DIP2C: variants seen among roughly 807,000 people sequenced by gnomAD.
The protein encoded by DIP2C is disco-interacting protein 2 homolog C.
DIP2C carries 33 observed loss-of-function variants against 192.4 expected under a neutral mutation model. The ratio of observed to expected loss-of-function variants is 0.17; its 90% confidence interval spans 0.13 to 0.23. DIP2C has a LOEUF of 0.23. Among genes scored for constraint, DIP2C ranks in the 10% least tolerant of loss-of-function variants. DIP2C has a pLI of 1.00. For synonymous variants in DIP2C, 979 were observed against 864.1 expected, an observed-to-expected ratio of 1.13 and a Z score of -2.33; for missense variants, 1,537 against 2,110.1, an observed-to-expected ratio of 0.73 and a Z score of 5.32.
Position 516,069 on chromosome 10 carries a change from C to T in DIP2C, c.86-29539G>A, listed in dbSNP as rs548860526. Among the ~76,000 whole-genome samples the T allele has an allele frequency of 5.3e-5, 8 of 151,228 alleles. 1 individual carries two copies. The South Asian group carries it at 8.4e-4, about 16-fold the overall frequency. On this transcript the variant is annotated intron_variant, in intron 1 of 36. Transcript: ENST00000280886. ...TCCAGTGGGATGGTTTCCACTTCCA[C>T]GACGAGAGGAAACGAGGGGGTTTCC...
At chr10:525,862 A>C (rs934475004) in intron 1 of DIP2C, among the ~76,000 whole-genome samples, 10 of 152,172 alleles carry the variant, frequency 6.6e-5, no homozygotes, top group Admixed American at 2.0e-4. Flanking sequence ...CCTGGAGGGT[A>C]GTCAACCCAG....
intron 1 of DIP2C, among the ~76,000 whole-genome samples, chr10:548,323 G>C (rs574628594): frequency 2.0e-5 from 3 of 151,158 alleles, no homozygotes; most frequent in Non-Finnish European, 4.4e-5. Context: ...TGGAAGGGAA[G>C]AAACTTGCAT....
chr10:436,738 T>C (rs7903876), intron 4 of DIP2C, among the ~76,000 whole-genome samples: 53,390 of 110,274 alleles, frequency 0.48, 11,908 homozygotes, highest in Middle Eastern at 0.53. Flanking sequence ...CTCTGAGCTC[T>C]GCTTCCTGGA....
At chr10:333,592 G>C (rs752328197) in intron 29 of DIP2C, among the ~76,000 whole-genome samples, 8 of 152,206 alleles carry the variant, frequency 5.3e-5, no homozygotes, top group Non-Finnish European at 1.2e-4. Context: ...CGAGGTTCCA[G>C]GGAACTTACA....
rs576312578 is a variant in DIP2C, at chr10:494,521, AAGTCAAAGCTACCAAG to A, written c.86-8007_86-7992del. The stretch of plus-strand genomic sequence containing the variant: ...CGGCTTTCTGCTCAGTTGCCTTTTT[AAGTCAAAGCTACCAAG>A]AGTCAAAGCAATCCAAGAGGCTGCT... On this transcript the variant is annotated intron_variant, in intron 1 of 36. Transcript: ENST00000280886. 9.6e-4 allele frequency among the ~76,000 whole-genome samples: 147 copies of A among 152,354 alleles called. 1 individual carries two copies. The highest frequency in any genetic ancestry group is 3.3e-3 in the African/African-American group (137 of 41,576).
intron 29 of DIP2C, among the ~76,000 whole-genome samples, chr10:340,295 AAAG>A (rs1369471891): frequency 2.9e-4 from 44 of 152,130 alleles, no homozygotes; most frequent in African/African-American, 1.0e-3. Context: ...TAAAATGTGT[AAAG>A]AAGATTTATG....
At chr10:514,267 G>A (rs1374081405) in intron 1 of DIP2C, among the ~76,000 whole-genome samples, 1 of 152,042 alleles carries the variant, frequency 6.6e-6, no homozygotes, top group East Asian at 1.9e-4. Context: ...TATCGACTCA[G>A]TTCTCGTTCA....
intron 10 of DIP2C, among the ~76,000 whole-genome samples, chr10:397,476 G>A (rs1964078668): frequency 6.6e-6 from 1 of 150,492 alleles, no homozygotes; most frequent in Non-Finnish European, 1.5e-5. Flanking sequence ...GTTGCAGTGA[G>A]CTGAAATCGT....
intron 1 of DIP2C, among the ~76,000 whole-genome samples, chr10:683,492 G>T (rs1378797897): frequency 6.6e-6 from 1 of 152,194 alleles, no homozygotes; most frequent in Non-Finnish European, 1.5e-5. Flanking sequence ...TTCGGGAAGG[G>T]AAGGTGGAAG....
At chr10:505,863 T>C (rs551518755) in intron 1 of DIP2C, among the ~76,000 whole-genome samples, 1 of 152,102 alleles carries the variant, frequency 6.6e-6, no homozygotes, top group Non-Finnish European at 1.5e-5. Flanking sequence ...CTGACAACAG[T>C]AGGATGCTGC....
At chr10:341,568 A>G (rs957996479) in intron 28 of DIP2C, among the ~76,000 whole-genome samples, 1 of 152,256 alleles carries the variant, frequency 6.6e-6, no homozygotes, top group South Asian at 2.1e-4. Context: ...TGTTGAACGC[A>G]TCGGGCCTGA....
At chr10:482,891 G>C (rs116747955) in intron 2 of DIP2C, among the ~76,000 whole-genome samples, 11 of 152,308 alleles carry the variant, frequency 7.2e-5, no homozygotes, top group African/African-American at 2.2e-4. Context: ...GGGTGAGAGC[G>C]AAGTGGGCAG....
chr10:459,102 CTAA>C lies in DIP2C; in HGVS notation c.268+13334_268+13336del, dbSNP rs572153682. ...CCTTAAAAAGCTTTTGCCAGTGGGGCTAATATTTTGATATTTGTGGCATTAGAA... is the reference window on the plus strand; with the variant it reads ...CCTTAAAAAGCTTTTGCCAGTGGGGCTATTTTGATATTTGTGGCATTAGAA... On this transcript the variant is annotated intron_variant, in intron 3 of 36. Coordinates refer to ENST00000280886, the MANE Select transcript of DIP2C (RefSeq NM_014974.3). Among the ~76,000 whole-genome samples, 8 of 151,972 alleles carry C rather than the reference CTAA, an allele frequency of 5.3e-5. No individual in the cohort carries two copies. In the South Asian group the frequency reaches 1.7e-3, roughly 32 times the overall value.
At chr10:613,895 C>CCA (rs780992312) in intron 1 of DIP2C, among the ~76,000 whole-genome samples, 3 of 152,142 alleles carry the variant, frequency 2.0e-5, no homozygotes, top group Non-Finnish European at 2.9e-5. Flanking sequence ...GCATCACTCC[C>CCA]CACAGCTGGA....
At chr10:512,202 T>C (rs115837057) in intron 1 of DIP2C, among the ~76,000 whole-genome samples, 9 of 152,342 alleles carry the variant, frequency 5.9e-5, no homozygotes, top group African/African-American at 1.2e-4. Context: ...TAGAGGCATA[T>C]TATTATGGAA....
At chr10:569,188 G>T (rs115197661) in intron 1 of DIP2C, among the ~76,000 whole-genome samples, 1 of 152,156 alleles carries the variant, frequency 6.6e-6, no homozygotes, top group Non-Finnish European at 1.5e-5. Flanking sequence ...AGAGACTTCC[G>T]TGGCCCACAA....
intron 32 of DIP2C, among the ~76,000 whole-genome samples, chr10:299,154 C>G (rs542338659): frequency 6.6e-6 from 1 of 152,312 alleles, no homozygotes; most frequent in East Asian, 1.9e-4. Flanking sequence ...AATGTGCACA[C>G]ACAGTTTTTT....
At chr10:348,563 G>T (rs971689671) in intron 26 of DIP2C, 78 bp downstream of exon 26, 2 of 1,558,762 alleles carry the variant, frequency 1.3e-6, no homozygotes, top group Non-Finnish European at 1.7e-6. Context: ...TGCCCCAAGA[G>T]ATGTCAGAGT....
At chr10:450,866 G>A (rs958845707) in intron 3 of DIP2C, among the ~76,000 whole-genome samples, 2 of 152,150 alleles carry the variant, frequency 1.3e-5, no homozygotes, top group Non-Finnish European at 2.9e-5. Context: ...AAAGACGAAG[G>A]AAATAGCACA....
Sources: allele counts gnomAD v4.1 joint callset (sites outside exome capture counted in the v4.1 genomes callset), GRCh38; gene constraint gnomAD v4.1.1; transcripts MANE v1.5; gene names NCBI Gene and HGNC (gene_info 2026-07-23, HGNC 2026-07-21).